The following OSBPL10 variants were observed in gnomAD, a reference collection of about 807,000 sequenced individuals.
OSBPL10 encodes the protein oxysterol-binding protein-related protein 10.
OSBPL10 carries 49 observed loss-of-function variants against 81.7 expected under a neutral mutation model. That is an observed-to-expected ratio of 0.60 (90% CI 0.48 to 0.76). The LOEUF is 0.76. OSBPL10 is among the 30% of genes least tolerant of loss of function. The pLI is 0.00. For synonymous variants in OSBPL10, 419 were observed against 383.6 expected, an observed-to-expected ratio of 1.09 and a Z score of -1.08; for missense variants, 923 against 987.8, an observed-to-expected ratio of 0.93 and a Z score of 0.88.
chr3:31,740,767 G>A lies in OSBPL10; in HGVS notation c.940+7143C>T, dbSNP rs1476291321. 2.0e-5 allele frequency among the ~76,000 whole-genome samples: 3 copies of A among 147,352 alleles called. No individual in the cohort carries two copies. The East Asian group carries it at 5.8e-4, about 29-fold the overall frequency. ...CACTCCAGCCTGGGCAACATAGTGA[G>A]ACTCCGTATCTCAAAAAAAAGAAAA... On this transcript the variant is annotated intron_variant, in intron 5 of 11. Transcript: ENST00000396556.
intron 3 of OSBPL10, among the ~76,000 whole-genome samples, chr3:31,860,454 G>T (rs1444043311): frequency 1.3e-5 from 2 of 152,168 alleles, no homozygotes; most frequent in African/African-American, 4.8e-5. Context: ...AGAAGAATGA[G>T]GGGCTCCAGG....
chr3:31,905,895 GAAAA>G (rs59527757), intron 1 of OSBPL10, among the ~76,000 whole-genome samples: 1 of 144,418 alleles, frequency 6.9e-6, no homozygotes, highest in Non-Finnish European at 1.5e-5. Flanking sequence ...CTCAAAGAAG[GAAAA>G]AAAAAAAAAG....
At chr3:31,964,021 C>T (rs1410597011) in intron 1 of OSBPL10, among the ~76,000 whole-genome samples, 1 of 152,094 alleles carries the variant, frequency 6.6e-6, no homozygotes, top group Non-Finnish European at 1.5e-5. Flanking sequence ...CACATCCAAA[C>T]CAAGAGGGAA....
chr3:31,883,026 C>T (rs1177669507), intron 1 of OSBPL10, among the ~76,000 whole-genome samples: 1 of 152,130 alleles, frequency 6.6e-6, no homozygotes, highest in Non-Finnish European at 1.5e-5. Context: ...GTGCTGACTG[C>T]CTTGAGGAGT....
chr3:31,730,150 G>A (rs977724039), intron 6 of OSBPL10, among the ~76,000 whole-genome samples: 5 of 152,150 alleles, frequency 3.3e-5, no homozygotes, highest in Non-Finnish European at 2.9e-5. Flanking sequence ...AGATCATGCT[G>A]ACCAACATGG....
chr3:31,682,798 C>G (rs559824089), intron 8 of OSBPL10, among the ~76,000 whole-genome samples: 71 of 152,262 alleles, frequency 4.7e-4, no homozygotes, highest in African/African-American at 1.7e-3. Flanking sequence ...TTTGTTTGCT[C>G]AAGTAACCAC....
intron 1 of OSBPL10, among the ~76,000 whole-genome samples, chr3:31,936,109 T>G (rs1697375024): frequency 6.6e-6 from 1 of 152,212 alleles, no homozygotes; most frequent in Admixed American, 6.5e-5. Context: ...TCCCCACTGG[T>G]CTTTAAATGT....
At chr3:31,980,699 G>A (rs1000374836) in intron 1 of OSBPL10, among the ~76,000 whole-genome samples, 200 bp downstream of exon 1, 1 of 152,196 alleles carries the variant, frequency 6.6e-6, no homozygotes, top group Admixed American at 6.5e-5. Context: ...CCGGGGTGGA[G>A]CCACGGCGCG....
chr3:31,988,985 T>C, intron 2 of OSBPL10: 1 of 1,518,492 alleles, frequency 6.6e-7, no homozygotes, highest in Non-Finnish European at 8.9e-7. Flanking sequence ...AAGTTTGTGA[T>C]AATTTGTTTC....
At chr3:32,068,599 T>A (rs369038147) in intron 1 of OSBPL10, among the ~76,000 whole-genome samples, 1 of 152,100 alleles carries the variant, frequency 6.6e-6, no homozygotes, top group Non-Finnish European at 1.5e-5. Flanking sequence ...TTGGCCCCAA[T>A]ACAAACTTGA....
chr3:31,885,607 A>G (rs1481877657), intron 1 of OSBPL10, among the ~76,000 whole-genome samples: 2 of 152,182 alleles, frequency 1.3e-5, no homozygotes, highest in Non-Finnish European at 2.9e-5. Context: ...TGACAAAAGC[A>G]TACATGTTTC....
intron 8 of OSBPL10, among the ~76,000 whole-genome samples, chr3:31,678,753 C>T: frequency 6.7e-6 from 1 of 150,368 alleles, no homozygotes. Context: ...ATTCACCAAG[C>T]ACTTACTCTG....
At chr3:31,864,786 T>C (rs1234140778) in intron 3 of OSBPL10, among the ~76,000 whole-genome samples, 2 of 152,074 alleles carry the variant, frequency 1.3e-5, no homozygotes, top group Non-Finnish European at 2.9e-5. Context: ...CTTAGGAAGT[T>C]TGGTGCCACT....
chr3:31,871,331 C>G (rs563354580), intron 3 of OSBPL10, among the ~76,000 whole-genome samples: 44 of 152,156 alleles, frequency 2.9e-4, no homozygotes, highest in African/African-American at 9.2e-4. Context: ...ACACTCACTA[C>G]GAAGGACTGC....
intron 6 of OSBPL10, among the ~76,000 whole-genome samples, chr3:31,726,625 C>A (rs1575503183): frequency 6.6e-6 from 1 of 152,080 alleles, no homozygotes; most frequent in African/African-American, 2.4e-5. Flanking sequence ...CAGAAAGTAT[C>A]TTGAGAAGAG....
At chr3:31,914,673 C>T (rs986468318) in intron 1 of OSBPL10, among the ~76,000 whole-genome samples, 1 of 152,150 alleles carries the variant, frequency 6.6e-6, no homozygotes, top group African/African-American at 2.4e-5. Flanking sequence ...AATATGAAGA[C>T]TAGAACTAGA....
intron 2 of OSBPL10, among the ~76,000 whole-genome samples, chr3:32,040,034 G>A (rs1272967458): frequency 6.6e-6 from 1 of 152,154 alleles, no homozygotes; most frequent in Non-Finnish European, 1.5e-5. Flanking sequence ...ACAAAGTTTG[G>A]CAGTTCGTCA....
At chr3:32,076,038 T>C (rs924883470) in intron 1 of OSBPL10, among the ~76,000 whole-genome samples, 3 of 152,078 alleles carry the variant, frequency 2.0e-5, no homozygotes, top group African/African-American at 7.2e-5. Flanking sequence ...CTGCAAAACA[T>C]TGCTCCTAAC....
At chr3:31,885,743 G>T (rs2125648474) in intron 1 of OSBPL10, among the ~76,000 whole-genome samples, 1 of 151,464 alleles carries the variant, frequency 6.6e-6, no homozygotes, top group South Asian at 2.1e-4. Context: ...AGCACTTTGG[G>T]AGTCTGAGAT....
Sources: gnomAD v4.1 joint callset for allele counts (sites outside exome capture counted in the v4.1 genomes callset) on GRCh38, gnomAD v4.1.1 for gene constraint, MANE v1.5 for transcripts, NCBI Gene and HGNC (gene_info 2026-07-23, HGNC 2026-07-21) for gene names.